The following SPATS2 variants were observed in gnomAD, a reference collection of about 807,000 sequenced individuals.
SPATS2 encodes spermatogenesis associated serine rich 2.
In SPATS2, 38 loss-of-function variants were observed where a neutral mutation model predicts 63.7. The observed-to-expected ratio is 0.60, with a 90% CI of 0.46 to 0.78. The LOEUF (loss-of-function observed/expected upper bound fraction) is 0.78. Ranked by LOEUF, SPATS2 falls within the 30% of genes least tolerant of loss-of-function variation. The probability of loss-of-function intolerance (pLI) is 0.00; values close to 1 mark genes in which losing one functional copy is unlikely to be tolerated. For missense variants in SPATS2, 588 were observed against 666.2 expected (o/e 0.88, Z 1.29); for synonymous variants, 207 against 232.9 (o/e 0.89, Z 1.01).
At chr12:49,460,644 T>A (rs1192548068) in intron 2 of SPATS2, 126 bp from the exon 3 acceptor site, 1 of 201,512 alleles carries the variant, frequency 5.0e-6, no homozygotes, top group Non-Finnish European at 9.8e-6. Context: ...GCTACATTGT[T>A]TCTATAGTAC....
intron 13 of SPATS2, 97 bp downstream of exon 13, chr12:49,524,993 T>C: frequency 2.5e-6 from 3 of 1,190,608 alleles, no homozygotes; most frequent in Non-Finnish European, 3.5e-6. Flanking sequence ...TCCTCTCTAT[T>C]CCCATTCCAT....
chr12:49,517,462 C>G (rs954765925), intron 10 of SPATS2, among the ~76,000 whole-genome samples: 3 of 152,120 alleles, frequency 2.0e-5, no homozygotes, highest in African/African-American at 7.2e-5. Context: ...TTACAGGATT[C>G]TATGTATATC....
intron 2 of SPATS2, among the ~76,000 whole-genome samples, chr12:49,417,148 C>A (rs764458963): frequency 1.1e-4 from 17 of 152,192 alleles, no homozygotes; most frequent in African/African-American, 1.7e-4. Context: ...TTGATTTCCT[C>A]TCTTTTCCTT....
At chr12:49,452,163 A>G (rs1945634418) in intron 2 of SPATS2, among the ~76,000 whole-genome samples, 1 of 152,200 alleles carries the variant, frequency 6.6e-6, no homozygotes, top group Non-Finnish European at 1.5e-5. Context: ...ATCAAGTTGC[A>G]AATTGTTTTT....
rs1412946844 is a variant in SPATS2 at position 49,371,300 on chromosome 12, A to T, written c.-244+10A>T. The T allele has an allele frequency of 6.6e-6, 1 of 152,240 alleles. No individual in the cohort carries two copies. Among genetic ancestry groups the T allele is most frequent in the Non-Finnish European group, 1.5e-5 (1 of 68,038 alleles). The allele number at this position is 152,240 out of a possible 1,614,324, so 9.4% of individuals were successfully genotyped here. ...CCTGGTTACCTCATATGTAAGTGGA[A>T]TCATACAATATTTACTTTTTTGTGT... On this transcript the variant is annotated intron_variant, in intron 2 of 13. Coordinates refer to ENST00000552918, the MANE Select transcript of SPATS2 (RefSeq NM_023071.4).
At chr12:49,486,243 C>T (rs1287919201) in intron 4 of SPATS2, 8 of 452,848 alleles carry the variant, frequency 1.8e-5, no homozygotes, top group Admixed American at 7.1e-5. Flanking sequence ...TTCACTCTGT[C>T]GTCCAGGCTG....
intron 2 of SPATS2, among the ~76,000 whole-genome samples, chr12:49,458,094 T>G (rs575902210): frequency 8.2e-4 from 125 of 152,344 alleles, no homozygotes; most frequent in Non-Finnish European, 1.7e-3. Flanking sequence ...TACTCTCCTT[T>G]CCTTCTTGCA....
At chr12:49,472,949 C>T (rs969944122) in intron 3 of SPATS2, among the ~76,000 whole-genome samples, 8 of 150,480 alleles carry the variant, frequency 5.3e-5, no homozygotes, top group African/African-American at 1.7e-4. Flanking sequence ...ACTCAGGAGG[C>T]TTAGGCTGGA....
chr12:49,509,439 T>C (rs924770918), intron 9 of SPATS2, among the ~76,000 whole-genome samples: 1 of 151,852 alleles, frequency 6.6e-6, no homozygotes, highest in Non-Finnish European at 1.5e-5. Flanking sequence ...CGCCACATTT[T>C]TGTACTTCTA....
chr12:49,512,813 G>A, intron 9 of SPATS2: 2 of 1,270,824 alleles, frequency 1.6e-6, no homozygotes, highest in Non-Finnish European at 1.0e-6. Context: ...ATGTCAAACT[G>A]TAGGCCTGGC....
rs1486407162 is a variant in SPATS2 at position 49,367,607 on chromosome 12, G to A, written c.-307+20G>A. On this transcript the variant is annotated intron_variant, in intron 1 of 13. Coordinates refer to ENST00000552918, the MANE Select transcript of SPATS2 (RefSeq NM_023071.4). ...GGCTAGGTGAGGCTAAGGGTGCTGGGTGGCGGGGTTGGCGGGGGCTCAGAG... is the reference window on the plus strand; with the variant it reads ...GGCTAGGTGAGGCTAAGGGTGCTGGATGGCGGGGTTGGCGGGGGCTCAGAG... The A allele has an allele frequency of 1.0e-5, 4 of 397,616 alleles. No homozygotes were observed. Among genetic ancestry groups the A allele is most frequent in the Non-Finnish European group, 1.8e-5 (4 of 225,832 alleles). 24.6% of individuals were successfully genotyped at this position (397,616 alleles called of 1,614,324 possible).
intron 2 of SPATS2, among the ~76,000 whole-genome samples, chr12:49,383,698 G>A (rs561582324): frequency 1.3e-5 from 2 of 152,208 alleles, no homozygotes; most frequent in African/African-American, 2.4e-5. Context: ...CATCTTGCCC[G>A]ACCCACTTTA....
At chr12:49,471,607 C>T (rs1407752042) in intron 3 of SPATS2, among the ~76,000 whole-genome samples, 2 of 152,176 alleles carry the variant, frequency 1.3e-5, no homozygotes, top group Non-Finnish European at 2.9e-5. Flanking sequence ...GCTTGGATTA[C>T]AGGTGCAAGC....
intron 2 of SPATS2, among the ~76,000 whole-genome samples, chr12:49,424,525 G>T (rs1314787531): frequency 6.6e-6 from 1 of 152,110 alleles, no homozygotes; most frequent in East Asian, 1.9e-4. Flanking sequence ...CTAGTAGATT[G>T]TATTAGTTTG....
chr12:49,461,782 T>A (rs1461224963), intron 3 of SPATS2, among the ~76,000 whole-genome samples: 1 of 152,202 alleles, frequency 6.6e-6, no homozygotes, highest in East Asian at 1.9e-4. Context: ...AATTTTGACT[T>A]GATAATTCAA....
rs749637080 is a variant in SPATS2, at chr12:49,525,974, G to A, written c.1357G>A (p.Gly453Ser). Reference sequence around the variant, plus strand: ...GCCAGGGAACAGACGAGGAGGACAGGGCTATAGGCCACAAGGCCAAAAGTC... The same window carrying A: ...GCCAGGGAACAGACGAGGAGGACAGAGCTATAGGCCACAAGGCCAAAAGTC... ...VLPGNRRGGQ[G>S]YRPQGQKSND... Residue 453 changes from glycine (G) to serine (S), a missense_variant, in exon 14 of 14, where the codon GGC (glycine) becomes AGC (serine). Gly to Ser is a moderately conservative substitution (Grantham distance 56). Coordinates refer to ENST00000552918, the MANE Select transcript of SPATS2 (RefSeq NM_023071.4). The A allele has an allele frequency of 1.2e-6, 2 of 1,614,218 alleles. No individual in the cohort carries two copies. The highest frequency in any genetic ancestry group is 2.2e-5 in the South Asian group (2 of 91,084).
chr12:49,507,073 C>CT (rs1478786096), intron 9 of SPATS2, among the ~76,000 whole-genome samples: 3 of 152,138 alleles, frequency 2.0e-5, no homozygotes, highest in Non-Finnish European at 2.9e-5. Context: ...TAAAGTAAAA[C>CT]TATAAGAATA....
chr12:49,437,704 C>T (rs1257719173), intron 2 of SPATS2, among the ~76,000 whole-genome samples: 1 of 152,006 alleles, frequency 6.6e-6, no homozygotes, highest in Admixed American at 6.5e-5. Context: ...CGGCGCGCGC[C>T]TGCAATCGCA....
At chr12:49,515,242 GTTAGGTTAAACA>G (rs1946819968) in intron 10 of SPATS2, among the ~76,000 whole-genome samples, 1 of 152,204 alleles carries the variant, frequency 6.6e-6, no homozygotes, top group African/African-American at 2.4e-5. Context: ...TCTGTTAAGT[GTTAGGTTAAACA>G]TACACAGCTA....
Sources: gnomAD v4.1 joint callset for allele counts (sites outside exome capture counted in the v4.1 genomes callset) on GRCh38, gnomAD v4.1.1 for gene constraint, MANE v1.5 for transcripts, NCBI Gene and HGNC (gene_info 2026-07-23, HGNC 2026-07-21) for gene names.